The following EPB41 variants were observed in gnomAD, a reference collection of about 807,000 sequenced individuals.
EPB41 encodes erythrocyte membrane protein band 4.1.
EPB41 carries 65 observed loss-of-function variants against 108.0 expected under a neutral mutation model. The observed-to-expected ratio is 0.60, with a 90% CI of 0.49 to 0.74. The LOEUF (loss-of-function observed/expected upper bound fraction) is 0.74. EPB41 is among the 30% of genes least tolerant of loss of function. The pLI is 0.00. For missense variants in EPB41, 875 were observed against 1,037.0 expected (o/e 0.84, Z 2.15); for synonymous variants, 336 against 358.9 (o/e 0.94, Z 0.72).
At chr1:29,093,084 G>C (rs1184995640) in intron 16 of EPB41, among the ~76,000 whole-genome samples, 1 of 152,100 alleles carries the variant, frequency 6.6e-6, no homozygotes, top group East Asian at 1.9e-4. Context: ...AGGATTGCTG[G>C]GTCAAATGGT....
chr1:29,021,557 T>C (rs1014535575), intron 7 of EPB41, among the ~76,000 whole-genome samples: 1 of 151,998 alleles, frequency 6.6e-6, no homozygotes, highest in African/African-American at 2.4e-5. Context: ...TGCAATTGAG[T>C]TGTGAGCTGA....
chr1:29,020,352 A>G (rs775376241), intron 7 of EPB41, among the ~76,000 whole-genome samples: 1 of 151,948 alleles, frequency 6.6e-6, no homozygotes, highest in Non-Finnish European at 1.5e-5. Context: ...CAGCACTTTT[A>G]TTTATATTCT....
At chr1:29,034,851 G>A (rs1638770942) in intron 9 of EPB41, among the ~76,000 whole-genome samples, 1 of 151,902 alleles carries the variant, frequency 6.6e-6, no homozygotes, top group African/African-American at 2.4e-5. Context: ...ATTGCTAAGA[G>A]ACTAGATTTT....
intron 1 of EPB41, among the ~76,000 whole-genome samples, chr1:28,968,182 C>T (rs2095408815): frequency 6.6e-6 from 1 of 151,962 alleles, no homozygotes; most frequent in Non-Finnish European, 1.5e-5. Context: ...CATGGTGAAA[C>T]CCTGTCTCTA....
chr1:29,082,193 C>T (rs938410924), intron 16 of EPB41, among the ~76,000 whole-genome samples: 2 of 151,700 alleles, frequency 1.3e-5, no homozygotes, highest in African/African-American at 2.4e-5. Flanking sequence ...GGTGTGATCT[C>T]GGCTCACTGC....
chr1:28,915,978 GTA>G (rs1309611967), intron 1 of EPB41, among the ~76,000 whole-genome samples: 1 of 151,978 alleles, frequency 6.6e-6, no homozygotes, highest in Non-Finnish European at 1.5e-5. Flanking sequence ...TATATAGCCC[GTA>G]TATGTTTCTT....
In EPB41 at chr1:29,097,873, C is replaced by T; in HGVS notation, c.2251C>T (p.Pro751Ser). 3 of 1,613,976 alleles carry T rather than the reference C, an allele frequency of 1.9e-6. No homozygotes were observed. The highest frequency in any genetic ancestry group is 2.5e-6 in the Non-Finnish European group (3 of 1,179,906). Residue 751 changes from proline to serine, a missense_variant, in exon 17 of 21, where the codon CCA becomes TCA. Physicochemically the swap from Pro to Ser is moderately conservative, Grantham distance 74. This residue lies in a region of EPB41 where 519 missense variants were observed against 627.3 expected (regional missense o/e 0.83). Transcript: ENST00000343067. ...DNANAVKSEI[P>S]TKDVPIVHTE... ...TGCCAATGCTGTGAAAAGTGAAATC[C>T]CAACCAAAGACGTCCCTATTGTCCA...
Position 29,006,386 on chromosome 1 carries a change from G to A in EPB41, c.787-5479G>A, listed in dbSNP as rs137913680. 3.7e-3 allele frequency among the ~76,000 whole-genome samples: 566 copies of A among 151,824 alleles called. 6 individuals are homozygous for A. The highest frequency in any genetic ancestry group is 0.013 in the African/African-American group (525 of 41,374). ...TGAGTAGCTGGTACTACAGGCGCCC[G>A]CCACCCAGCCCGTCTAATTTTTTTG... On this transcript the variant is annotated intron_variant, in intron 4 of 20. Coordinates refer to ENST00000343067, the MANE Select transcript of EPB41 (RefSeq NM_001376013.1).
intron 2 of EPB41, among the ~76,000 whole-genome samples, chr1:28,992,424 C>T (rs113455182): frequency 0.044 from 6,764 of 152,278 alleles, 217 homozygotes; most frequent in Non-Finnish European, 0.067. Context: ...CACGGTTGCT[C>T]ACGCCTGTAA....
At chr1:29,103,179 G>T (rs1279428485) in intron 17 of EPB41, among the ~76,000 whole-genome samples, 3 of 152,136 alleles carry the variant, frequency 2.0e-5, no homozygotes, top group African/African-American at 7.2e-5. Flanking sequence ...AAAGTGCAGG[G>T]ATTACAGGCA....
intron 5 of EPB41, 142 bp from the exon 6 acceptor site, chr1:29,015,550 G>T: frequency 3.2e-6 from 2 of 622,284 alleles, no homozygotes; most frequent in Non-Finnish European, 5.7e-6. Context: ...CTCCAGCCTG[G>T]GCAACAAGAG....
intron 1 of EPB41, among the ~76,000 whole-genome samples, chr1:28,893,080 G>T (rs1423964666): frequency 6.6e-6 from 1 of 152,070 alleles, no homozygotes; most frequent in Admixed American, 6.6e-5. Context: ...GGGATTACAA[G>T]TGTCAGGTTC....
chr1:28,906,851 C>T (rs908739233), intron 1 of EPB41, among the ~76,000 whole-genome samples: 2 of 150,196 alleles, frequency 1.3e-5, no homozygotes, highest in Admixed American at 1.3e-4. Context: ...TCTCAGCTCA[C>T]TGCAAGCTCT....
chr1:28,940,054 G>T (rs759826335), intron 1 of EPB41, among the ~76,000 whole-genome samples: 3 of 152,162 alleles, frequency 2.0e-5, no homozygotes, highest in Non-Finnish European at 4.4e-5. Context: ...GGATGCTTCA[G>T]TCATCTGGGG....
chr1:28,986,159 C>T (rs1036652460), intron 1 of EPB41, among the ~76,000 whole-genome samples: 1 of 151,972 alleles, frequency 6.6e-6, no homozygotes, highest in African/African-American at 2.4e-5. Context: ...AGGACATGAA[C>T]TCATCATTTT....
chr1:28,922,805 T>C (rs1434116824), intron 1 of EPB41, among the ~76,000 whole-genome samples: 3 of 151,884 alleles, frequency 2.0e-5, no homozygotes, highest in Non-Finnish European at 2.9e-5. Flanking sequence ...TTTTTGTATT[T>C]TTTAGTAGAG....
intron 1 of EPB41, among the ~76,000 whole-genome samples, chr1:28,901,777 A>G (rs1472623274): frequency 6.6e-6 from 1 of 151,402 alleles, no homozygotes; most frequent in South Asian, 2.1e-4. Flanking sequence ...CTGGTGATCC[A>G]CCCACCTCAG....
In EPB41 at chr1:29,112,262, A is replaced by C. The variant is rs193153396; in HGVS notation, c.2416-106A>C. 73 of 915,294 alleles carry C rather than the reference A, an allele frequency of 8.0e-5. No homozygotes were observed. The highest frequency in any genetic ancestry group is 2.5e-4 in the Admixed American group (13 of 51,378). 56.7% of individuals were successfully genotyped at this position (915,294 alleles called of 1,614,324 possible). A position where few individuals can be genotyped will look rare whatever the true frequency, so the allele number is the denominator to read the frequency against. ...GCATTCCTCCTATCTCAGCCTCCCAAAGTGTTGAGATTACAAGTGTGAACC... is the reference window on the plus strand; with the variant it reads ...GCATTCCTCCTATCTCAGCCTCCCACAGTGTTGAGATTACAAGTGTGAACC... On this transcript the variant is annotated intron_variant, in intron 18 of 20. Transcript: ENST00000343067.
chr1:29,045,464 C>T (rs1642874791), intron 11 of EPB41, among the ~76,000 whole-genome samples: 1 of 151,810 alleles, frequency 6.6e-6, no homozygotes, highest in Non-Finnish European at 1.5e-5. Context: ...GGTGATCCTC[C>T]CACCTCAGCC....
Sources: gnomAD v4.1 joint callset for allele counts (sites outside exome capture counted in the v4.1 genomes callset) on GRCh38, gnomAD v4.1.1 for gene constraint, gnomAD v4.1.1 regional missense constraint, MANE v1.5 for transcripts, NCBI Gene and HGNC (gene_info 2026-07-23, HGNC 2026-07-21) for gene names.